Variants in RAD23B observed in about 807,000 individuals in gnomAD.
RAD23B encodes lysine-specific demethylase RAD23B.
RAD23B carries 5 observed loss-of-function variants against 49.1 expected under a neutral mutation model. The ratio of observed to expected loss-of-function variants is 0.10; its 90% confidence interval spans 0.05 to 0.21. The LOEUF (loss-of-function observed/expected upper bound fraction) is 0.21, where lower values mean the gene tolerates loss of function less well. RAD23B is among the 10% of genes least tolerant of loss of function. RAD23B has a pLI of 1.00. For missense variants in RAD23B, 356 were observed against 486.7 expected, an observed-to-expected ratio of 0.73 and a Z score of 2.53; for synonymous variants, 184 against 165.4, an observed-to-expected ratio of 1.11 and a Z score of -0.86.
chr9:107,306,742 ATATC>A (rs1248961319), intron 4 of RAD23B, 95 bp downstream of exon 4: 7 of 1,349,892 alleles, frequency 5.2e-6, no homozygotes, highest in East Asian at 2.3e-5. Context: ...CAAACCGACT[ATATC>A]TATTACGTTA....
chr9:107,306,071 A>C (rs1284759779), intron 3 of RAD23B, among the ~76,000 whole-genome samples: 1 of 115,988 alleles, frequency 8.6e-6, no homozygotes, highest in Non-Finnish European at 1.7e-5. Context: ...ATATATATAT[A>C]TCTATATATC....
At chr9:107,327,279 G>C (rs1012680203) in intron 9 of RAD23B, among the ~76,000 whole-genome samples, 1 of 152,054 alleles carries the variant, frequency 6.6e-6, no homozygotes, top group South Asian at 2.1e-4. Flanking sequence ...TCTCTCTAAT[G>C]TTTATTTCCC....
rs1827297174 is a variant in RAD23B, at chr9:107,331,072, T to TC, written c.*1418dup. On this transcript the variant is annotated 3_prime_UTR_variant, in exon 10 of 10. Coordinates refer to ENST00000358015, the MANE Select transcript of RAD23B (RefSeq NM_002874.5). ...ATTTGGATTGCTTTTGTTTTTTGTTTCCTTTTTTTTAACCATCTGATACTA... is the reference window on the plus strand; with the variant it reads ...ATTTGGATTGCTTTTGTTTTTTGTTTCCCTTTTTTTTAACCATCTGATACTA... 1 of 66,146 alleles carries TC rather than the reference T, an allele frequency of 1.5e-5. No homozygotes were observed. The highest frequency in any genetic ancestry group is 1.3e-4 in the African/African-American group (1 of 7,610). The allele number at this position is 66,146 out of a possible 1,614,324, so 4.1% of individuals were successfully genotyped here. A position where few individuals can be genotyped will look rare whatever the true frequency, so the allele number is the denominator to read the frequency against.
chr9:107,311,953 T>C (rs1826897699), intron 5 of RAD23B, among the ~76,000 whole-genome samples: 1 of 152,250 alleles, frequency 6.6e-6, no homozygotes, highest in Non-Finnish European at 1.5e-5. Flanking sequence ...TTGAGCCTAC[T>C]TGGTTAAAGC....
chr9:107,290,341 C>G (rs1327539798), intron 1 of RAD23B, among the ~76,000 whole-genome samples: 3 of 152,188 alleles, frequency 2.0e-5, no homozygotes, highest in Non-Finnish European at 4.4e-5. Flanking sequence ...CTCTTCATCA[C>G]TGATTTTTCC....
At chr9:107,322,150 T>C (rs764924706) in intron 7 of RAD23B, 32 bp downstream of exon 7, 14 of 1,544,672 alleles carry the variant, frequency 9.1e-6, no homozygotes, top group African/African-American at 1.4e-5. Flanking sequence ...GGGGAGGGAA[T>C]GGCCCTGAAT....
intron 1 of RAD23B, among the ~76,000 whole-genome samples, chr9:107,293,355 A>G (rs1833422156): frequency 6.6e-6 from 1 of 152,216 alleles, no homozygotes; most frequent in Non-Finnish European, 1.5e-5. Context: ...ATTGGGGGCC[A>G]TCTTGGGTGT....
At chr9:107,311,887 G>T (rs1210172319) in intron 5 of RAD23B, 150 bp downstream of exon 5, 4 of 635,466 alleles carry the variant, frequency 6.3e-6, no homozygotes, top group Non-Finnish European at 1.0e-5. Flanking sequence ...TCAATTAATA[G>T]TGTTACTAAA....
At chr9:107,290,379 C>T (rs12005522) in intron 1 of RAD23B, among the ~76,000 whole-genome samples, 10,035 of 152,164 alleles carry the variant, frequency 0.066, 386 homozygotes, top group African/African-American at 0.098. Flanking sequence ...AACATTTTTC[C>T]CCATCTTAAT....
rs547322593 is a variant in RAD23B, at chr9:107,286,164, A to G, written c.66+2469A>G. Among the ~76,000 whole-genome samples, 8 of 152,360 alleles carry G rather than the reference A, an allele frequency of 5.3e-5. No homozygotes were observed. In the East Asian group the frequency reaches 1.3e-3, roughly 26 times the overall value. ...AAATTAAGTAACTTACGTAGCCAGT[A>G]TAGCAACTCTTGTGAGCTTGAGATG... On this transcript the variant is annotated intron_variant, in intron 1 of 9. Coordinates refer to ENST00000358015, the MANE Select transcript of RAD23B (RefSeq NM_002874.5).
intron 2 of RAD23B, 118 bp downstream of exon 2, chr9:107,300,340 A>G (rs1826624226): frequency 1.5e-5 from 17 of 1,166,062 alleles, no homozygotes; most frequent in Non-Finnish European, 1.9e-5. Context: ...TACAAATAAA[A>G]GCAGTGAAAG....
intron 6 of RAD23B, among the ~76,000 whole-genome samples, chr9:107,321,512 A>C (rs1350645608): frequency 6.6e-6 from 1 of 152,152 alleles, no homozygotes; most frequent in African/African-American, 2.4e-5. Context: ...GGATTATCTT[A>C]AGCTAGAGTT....
intron 1 of RAD23B, among the ~76,000 whole-genome samples, chr9:107,298,904 G>T (rs1826592315): frequency 6.6e-6 from 1 of 151,978 alleles, no homozygotes; most frequent in Non-Finnish European, 1.5e-5. Flanking sequence ...AGTGGATTGA[G>T]ATTTTTGTGA....
intron 5 of RAD23B, among the ~76,000 whole-genome samples, chr9:107,317,772 T>C (rs1827024671): frequency 6.6e-6 from 1 of 151,926 alleles, no homozygotes; most frequent in South Asian, 2.1e-4. Flanking sequence ...AAAATAGGTT[T>C]CATTTATTCA....
At chr9:107,284,795 C>T in intron 1 of RAD23B, 1 of 1,198,358 alleles carries the variant, frequency 8.3e-7, no homozygotes, top group African/African-American at 1.6e-5. Context: ...GTTAAGTAGA[C>T]CTGAGTTCCA....
chr9:107,296,369 C>A (rs1283668130), intron 1 of RAD23B, among the ~76,000 whole-genome samples: 2 of 152,108 alleles, frequency 1.3e-5, no homozygotes, highest in Non-Finnish European at 2.9e-5. Flanking sequence ...ACTTTCAATG[C>A]CAAGAATTAT....
intron 1 of RAD23B, among the ~76,000 whole-genome samples, chr9:107,295,022 T>C (rs566668552): frequency 1.3e-5 from 2 of 151,288 alleles, no homozygotes; most frequent in Non-Finnish European, 2.9e-5. Flanking sequence ...GTGGTATCAT[T>C]ATGGTGTTGC....
Position 107,331,597 on chromosome 9 carries a change from G to A in RAD23B, c.*1941G>A. 4.1e-6 allele frequency: 3 copies of A among 731,756 alleles called. No homozygotes were observed. In the South Asian group the frequency reaches 4.5e-5, roughly 11 times the overall value. The allele number at this position is 731,756 out of a possible 1,614,324, so 45.3% of individuals were successfully genotyped here. A position where few individuals can be genotyped will look rare whatever the true frequency, so the allele number is the denominator to read the frequency against. On this transcript the variant is annotated 3_prime_UTR_variant, in exon 10 of 10. Coordinates refer to ENST00000358015, the MANE Select transcript of RAD23B (RefSeq NM_002874.5). The stretch of plus-strand genomic sequence containing the variant: ...CTTTCAAGTCAGAGCAATGAGTTGG[G>A]AAAAGAGGTGGCATTTCTGATCGGA...
intron 4 of RAD23B, among the ~76,000 whole-genome samples, chr9:107,308,549 G>A (rs937290156): frequency 2.8e-4 from 43 of 152,186 alleles, no homozygotes; most frequent in African/African-American, 9.6e-4. Context: ...TCTTCCTGGA[G>A]TTGCAGTTTT....
Sources: allele counts gnomAD v4.1 joint callset (sites outside exome capture counted in the v4.1 genomes callset), GRCh38; gene constraint gnomAD v4.1.1; transcripts MANE v1.5; gene names NCBI Gene and HGNC (gene_info 2026-07-23, HGNC 2026-07-21).